ITPR3: variants seen among roughly 807,000 people sequenced by gnomAD.
The protein encoded by ITPR3 is inositol 1,4,5-trisphosphate-gated calcium channel ITPR3.
In ITPR3, 173 loss-of-function variants were observed where a neutral mutation model predicts 293.2. That is an observed-to-expected ratio of 0.59 (90% CI 0.52 to 0.67). The LOEUF is 0.67. Ranked by LOEUF, ITPR3 falls within the 30% of genes least tolerant of loss-of-function variation. The pLI is 0.00. For missense variants in ITPR3, 2,796 were observed against 3,592.1 expected (o/e 0.78, Z 5.66); for synonymous variants, 1,295 against 1,444.4 (o/e 0.90, Z 2.35).
intron 1 of ITPR3, among the ~76,000 whole-genome samples, chr6:33,627,420 T>C (rs1763572899): frequency 1.3e-5 from 2 of 152,358 alleles, no homozygotes; most frequent in South Asian, 4.1e-4. Context: ...TGCATATATA[T>C]AGTGAGCTGT....
intron 1 of ITPR3, among the ~76,000 whole-genome samples, chr6:33,635,358 G>A (rs1322463576): frequency 6.6e-6 from 1 of 152,156 alleles, no homozygotes; most frequent in Non-Finnish European, 1.5e-5. Flanking sequence ...CCTGAGGCGG[G>A]GACCTTGTCT....
At position 33,662,934 on chromosome 6, in the gene ITPR3, T is replaced by C. The variant is rs764040133; in HGVS notation, c.882T>C (p.Arg294=). ...EVEVVHHDPC[R]GGAGHWNGLY... ...AGGTGGTCCACCACGACCCCTGCCG[T>C]GGAGGAGCTGGGCACTGGAATGGCT... The change falls in exon 9 of 58, where the codon CGT becomes CGC. Residue 294 remains arginine, a synonymous_variant. Coordinates refer to ENST00000605930, the MANE Select transcript of ITPR3 (RefSeq NM_002224.4). 3.7e-6 allele frequency: 6 copies of C among 1,602,612 alleles called. 1 individual carries two copies. In the South Asian group the frequency reaches 4.5e-5, roughly 12 times the overall value.
chr6:33,676,973 AG>A (rs1487223344), intron 26 of ITPR3, 41 bp downstream of exon 26: 3 of 1,613,862 alleles, frequency 1.9e-6, no homozygotes, highest in African/African-American at 2.7e-5. Flanking sequence ...CCTCCCTGTG[AG>A]GGCTGGGCCT....
At chr6:33,674,375 C>A in intron 24 of ITPR3, 110 bp downstream of exon 24, 1 of 1,001,392 alleles carries the variant, frequency 1.0e-6, no homozygotes, top group Non-Finnish European at 1.5e-6. Context: ...CTCTGCCATT[C>A]CCTCTGCAGA....
At chr6:33,639,913 T>C (rs1763909715) in intron 1 of ITPR3, among the ~76,000 whole-genome samples, 1 of 152,142 alleles carries the variant, frequency 6.6e-6, no homozygotes, top group South Asian at 2.1e-4. Context: ...GAGGCCTGAC[T>C]GAGACTGGGA....
rs562929550 is a variant in ITPR3, at chr6:33,672,521, C to G, written c.2928+293C>G. Reference sequence around the variant, plus strand: ...ACTGCTTGAGCTCAGAGTTCAAGACCTGCCTGGGTGAGACCCCGTCTCTAT... The same window carrying G: ...ACTGCTTGAGCTCAGAGTTCAAGACGTGCCTGGGTGAGACCCCGTCTCTAT... On this transcript the variant is annotated intron_variant, in intron 22 of 57. Coordinates refer to ENST00000605930, the MANE Select transcript of ITPR3 (RefSeq NM_002224.4). The surrounding 1 kb of genome is among the most constrained non-coding windows in gnomAD (Gnocchi z 5.0). Among the ~76,000 whole-genome samples the G allele has an allele frequency of 6.6e-6, 1 of 151,962 alleles. No individual in the cohort carries two copies. The highest frequency in any genetic ancestry group is 1.5e-5 in the Non-Finnish European group (1 of 67,984).
intron 13 of ITPR3, 55 bp downstream of exon 13, chr6:33,665,268 C>T (rs1416770444): frequency 1.3e-6 from 2 of 1,571,680 alleles, no homozygotes; most frequent in Non-Finnish European, 1.7e-6. Context: ...CCAGGGCCTG[C>T]ATTTCATGAA....
intron 2 of ITPR3, among the ~76,000 whole-genome samples, chr6:33,651,679 C>G (rs923907511): frequency 6.6e-6 from 1 of 152,196 alleles, no homozygotes; most frequent in Non-Finnish European, 1.5e-5. Context: ...GTTTTGTTTT[C>G]CTTTCTATCT....
At position 33,657,895 on chromosome 6, in the gene ITPR3, C is replaced by T. The variant is rs767419764; in HGVS notation, c.283-37C>T. On this transcript the variant is annotated intron_variant, in intron 3 of 57. Transcript: ENST00000605930. Reference sequence around the variant, plus strand: ...GTATGTCTTCCTCTAGGAGCAGCTTCTGAGCCCACCCTTCACTTCTGTGTG... The same window carrying T: ...GTATGTCTTCCTCTAGGAGCAGCTTTTGAGCCCACCCTTCACTTCTGTGTG... 3.8e-6 allele frequency: 6 copies of T among 1,597,322 alleles called. No individual in the cohort carries two copies. The East Asian group carries it at 9.0e-5, about 24-fold the overall frequency.
At position 33,621,406 on chromosome 6, in the gene ITPR3, C is replaced by A. The variant is rs1482203153; in HGVS notation, c.-197C>A. On this transcript the variant is annotated 5_prime_UTR_variant, in exon 1 of 58. Coordinates refer to ENST00000605930, the MANE Select transcript of ITPR3 (RefSeq NM_002224.4). This position sits in a 1 kb window ranked among gnomAD's most constrained non-coding sequence, Gnocchi z 7.7. Reference sequence around the variant, plus strand: ...CGGGCGCGCCAAGACGTGGGCACCTCCTCACCCGGACCCCGGGCCCCGCCG... The same window carrying A: ...CGGGCGCGCCAAGACGTGGGCACCTACTCACCCGGACCCCGGGCCCCGCCG... 1.0e-5 allele frequency: 4 copies of A among 386,468 alleles called. No individual in the cohort carries two copies. The highest frequency in any genetic ancestry group is 6.5e-5 in the African/African-American group (3 of 46,002). The allele number at this position is 386,468 out of a possible 1,614,324, so 23.9% of individuals were successfully genotyped here.
Position 33,695,821 on chromosome 6 carries a change from G to GGA in ITPR3, c.*44_*45dup. 1 of 1,597,958 alleles carries GGA rather than the reference G, an allele frequency of 6.3e-7. No homozygotes were observed. The highest frequency in any genetic ancestry group is 2.2e-5 in the East Asian group (1 of 44,764). On this transcript the variant is annotated 3_prime_UTR_variant, in exon 58 of 58. Transcript: ENST00000605930. Reference sequence around the variant, plus strand: ...GCCCCAACAGGGGATGCTCATCACTGGAGACTGCGACTGGGAAGAACACTG... The same window carrying GGA: ...GCCCCAACAGGGGATGCTCATCACTGGAGAGACTGCGACTGGGAAGAACACTG...
chr6:33,694,689 G>GAT, intron 56 of ITPR3: 2 of 544,792 alleles, frequency 3.7e-6, no homozygotes, highest in East Asian at 3.2e-5. Flanking sequence ...AGCTGCCGAC[G>GAT]CTGCCTAACG....
intron 1 of ITPR3, among the ~76,000 whole-genome samples, chr6:33,629,478 GTTTCT>G (rs1763622623): frequency 6.7e-6 from 1 of 149,110 alleles, no homozygotes; most frequent in South Asian, 2.1e-4. Flanking sequence ...CCGACCATTG[GTTTCT>G]TTTTTTTTTT....
At position 33,667,166 on chromosome 6, in the gene ITPR3, G is replaced by A. The variant is rs758202660; in HGVS notation, c.1589G>A (p.Gly530Glu). The A allele has an allele frequency of 2.5e-6, 4 of 1,614,050 alleles. No individual in the cohort carries two copies. The African/African-American group carries it at 5.3e-5, about 22-fold the overall frequency. Residue 530 changes from glycine to glutamate, a missense_variant, in exon 15 of 58, where the codon GGG (glycine) becomes GAG (glutamate). Around this residue, in one of 8 missense-constraint regions of ITPR3, gnomAD observed 955 missense variants for 1,180.8 expected, o/e 0.81. Coordinates refer to ENST00000605930, the MANE Select transcript of ITPR3 (RefSeq NM_002224.4). The surrounding 1 kb of genome is among the most constrained non-coding windows in gnomAD (Gnocchi z 4.4). ...GILKAPFREK[G>E]GEGPLVRLEE... Reference sequence around the variant, plus strand: ...CTGAAGGCCCCGTTCCGTGAGAAGGGGGGTGAAGGTCCCCTGGTGCGGCTG... The same window carrying A: ...CTGAAGGCCCCGTTCCGTGAGAAGGAGGGTGAAGGTCCCCTGGTGCGGCTG...
Position 33,663,888 on chromosome 6 carries a change from T to C in ITPR3, c.1148+8T>C, listed in dbSNP as rs1764542137. ...CGACTCTTTCGTGCCCCGGTGGGTA[T>C]GCGCCATGTGCCTGGGAGTTGACTG... is the stretch of plus-strand genomic sequence containing the variant. On this transcript the variant is annotated splice_region_variant and intron_variant, in intron 11 of 57. Coordinates refer to ENST00000605930, the MANE Select transcript of ITPR3 (RefSeq NM_002224.4). 6.2e-7 allele frequency: 1 copy of C among 1,613,916 alleles called. No individual in the cohort carries two copies. Among genetic ancestry groups the C allele is most frequent in the Non-Finnish European group, 8.5e-7 (1 of 1,179,920 alleles).
chr6:33,651,327 A>T (rs1582118604), intron 2 of ITPR3, among the ~76,000 whole-genome samples: 1 of 150,850 alleles, frequency 6.6e-6, no homozygotes, highest in East Asian at 1.9e-4. Context: ...GGATGAAGGT[A>T]CCTTCCTCCA....
chr6:33,663,664 C>T (rs1349198039), intron 10 of ITPR3, 74 bp from the exon 11 acceptor site: 2 of 1,608,322 alleles, frequency 1.2e-6, no homozygotes, highest in Non-Finnish European at 1.7e-6. Flanking sequence ...GATGGGATCT[C>T]AGGTGGGATC....
chr6:33,687,132 C>T lies in ITPR3; in HGVS notation c.6075+28C>T, dbSNP rs368975970. 20 of 1,608,766 alleles carry T rather than the reference C, an allele frequency of 1.2e-5. No homozygotes were observed. The African/African-American group carries it at 1.7e-4, about 14-fold the overall frequency. On this transcript the variant is annotated intron_variant, in intron 44 of 57. Coordinates refer to ENST00000605930, the MANE Select transcript of ITPR3 (RefSeq NM_002224.4). This position sits in a 1 kb window ranked among gnomAD's most constrained non-coding sequence, Gnocchi z 5.3. ...GAGGCTGGGCAGGTGGGCAGGCGGG[C>T]GGAACCAGGTGGAGTGTGTTGGGAT...
intron 17 of ITPR3, 70 bp from the exon 18 acceptor site, chr6:33,668,904 T>C: frequency 6.7e-7 from 1 of 1,499,218 alleles, no homozygotes; most frequent in Non-Finnish European, 9.1e-7. Context: ...TGGCCGGGTG[T>C]GCTCAGGGAG....
Sources: gnomAD v4.1 joint callset for allele counts (sites outside exome capture counted in the v4.1 genomes callset) on GRCh38, gnomAD v4.1.1 for gene constraint, gnomAD v4.1.1 regional missense constraint, Gnocchi (gnomAD v3.1) non-coding constraint, MANE v1.5 for transcripts, NCBI Gene and HGNC (gene_info 2026-07-23, HGNC 2026-07-21) for gene names.